PTPRN2: variants seen among roughly 807,000 people sequenced by gnomAD.
PTPRN2 encodes the protein receptor-type tyrosine-protein phosphatase N2.
Under a neutral mutation model 118.8 loss-of-function variants are expected in PTPRN2, and 74 were observed. The observed-to-expected ratio is 0.62, with a 90% CI of 0.52 to 0.76. The LOEUF is 0.76. PTPRN2 is among the 30% of genes least tolerant of loss of function. The pLI, the probability that PTPRN2 is intolerant of heterozygous loss-of-function variation, is 0.00. For synonymous variants in PTPRN2, 641 were observed against 608.0 expected (o/e 1.05, Z -0.80); for missense variants, 1,481 against 1,394.4 (o/e 1.06, Z -0.99).
intron 9 of PTPRN2, among the ~76,000 whole-genome samples, chr7:158,132,678 TACAC>T (rs528046341): frequency 1.5e-4 from 23 of 150,438 alleles, no homozygotes; most frequent in African/African-American, 2.2e-4. Flanking sequence ...TACACACAGA[TACAC>T]ACACATCTAC....
intron 21 of PTPRN2, among the ~76,000 whole-genome samples, chr7:157,551,976 AGCCACCACACAACCCACG>A (rs1798654087): frequency 6.8e-6 from 1 of 147,970 alleles, no homozygotes; most frequent in Non-Finnish European, 1.5e-5. Context: ...CGCACCCCAC[AGCCACCACACAACCCACG>A]GCCACCACAC....
intron 11 of PTPRN2, among the ~76,000 whole-genome samples, chr7:157,989,239 GAA>G (rs972962657): frequency 6.6e-6 from 1 of 151,958 alleles, no homozygotes; most frequent in African/African-American, 2.4e-5. Context: ...GCAACATGGT[GAA>G]ACTCTGTCTC....
At chr7:158,102,321 G>A (rs914200407) in intron 10 of PTPRN2, among the ~76,000 whole-genome samples, 1 of 152,132 alleles carries the variant, frequency 6.6e-6, no homozygotes, top group African/African-American at 2.4e-5. Context: ...GAGCTGGCCC[G>A]AGGATGCTTT....
Position 157,808,553 on chromosome 7 carries a change from C to T in PTPRN2, c.1788+90120G>A, listed in dbSNP as rs2151111014. Among the ~76,000 whole-genome samples, 1 of 152,270 alleles carries T rather than the reference C, an allele frequency of 6.6e-6. No individual in the cohort carries two copies. Among genetic ancestry groups the T allele is most frequent in the South Asian group, 2.1e-4 (1 of 4,828 alleles). ...GATGATCTGTCACTGTCTCCCATCA[C>T]CCCCAGATGGGACCAGCCAGTTGCA... On this transcript the variant is annotated intron_variant, in intron 12 of 22. Transcript: ENST00000389418. The surrounding 1 kb of genome is among the most constrained non-coding windows in gnomAD (Gnocchi z 5.0).
At chr7:158,549,977 G>A (rs1826538233) in intron 1 of PTPRN2, among the ~76,000 whole-genome samples, 1 of 152,232 alleles carries the variant, frequency 6.6e-6, no homozygotes, top group Non-Finnish European at 1.5e-5. Context: ...CTCGTCCTGG[G>A]GTCTGTGCCG....
intron 17 of PTPRN2, among the ~76,000 whole-genome samples, chr7:157,588,492 C>T (rs1003904046): frequency 6.6e-6 from 1 of 152,218 alleles, no homozygotes; most frequent in African/African-American, 2.4e-5. Flanking sequence ...GGCTTCTCTG[C>T]GACAGCTGCC....
At chr7:157,955,592 C>A (rs1009066830) in intron 11 of PTPRN2, among the ~76,000 whole-genome samples, 4 of 152,330 alleles carry the variant, frequency 2.6e-5, no homozygotes, top group Admixed American at 6.5e-5. Flanking sequence ...GGAGGGTTAT[C>A]CAAGCATTTG....
At chr7:158,375,179 A>G (rs1439729744) in intron 2 of PTPRN2, among the ~76,000 whole-genome samples, 1 of 152,228 alleles carries the variant, frequency 6.6e-6, no homozygotes, top group Non-Finnish European at 1.5e-5. Context: ...AAAGGTGCCT[A>G]AACCTGGCAG....
chr7:158,086,990 G>A (rs1403165803), intron 10 of PTPRN2, among the ~76,000 whole-genome samples: 2 of 152,174 alleles, frequency 1.3e-5, no homozygotes, highest in Non-Finnish European at 2.9e-5. Flanking sequence ...CCACTTCCTC[G>A]CGGGGCGATT....
At position 157,915,830 on chromosome 7, in the gene PTPRN2, A is replaced by G. The variant is rs1031863050; in HGVS notation, c.1724-17093T>C. Among the ~76,000 whole-genome samples, 5 of 152,028 alleles carry G rather than the reference A, an allele frequency of 3.3e-5. No homozygotes were observed. In the East Asian group the frequency reaches 7.7e-4, roughly 23 times the overall value. ...TGTCTGATGTGTTAAAATTATCTCTATGTCCTCATATTCTCGTAGTTTTGT... is the reference window on the plus strand; with the variant it reads ...TGTCTGATGTGTTAAAATTATCTCTGTGTCCTCATATTCTCGTAGTTTTGT... On this transcript the variant is annotated intron_variant, in intron 11 of 22. Transcript: ENST00000389418.
At position 157,881,196 on chromosome 7, in the gene PTPRN2, G is replaced by T. The variant is rs550949723; in HGVS notation, c.1788+17477C>A. On this transcript the variant is annotated intron_variant, in intron 12 of 22. Transcript: ENST00000389418. This position sits in a 1 kb window ranked among gnomAD's most constrained non-coding sequence, Gnocchi z 4.7. ...ATTACGGTAAAATGAGGTCATGAGG[G>T]TATGTGGAGATGGGGGTGTTTACAG... Among the ~76,000 whole-genome samples the T allele has an allele frequency of 2.1e-5, 3 of 144,510 alleles. No homozygotes were observed. Among genetic ancestry groups the T allele is most frequent in the African/African-American group, 2.7e-5 (1 of 36,366 alleles). The allele number at this position is 144,510 out of a possible 152,430, so 94.8% of individuals were successfully genotyped here.
chr7:158,204,569 G>A (rs1236090069), intron 4 of PTPRN2, among the ~76,000 whole-genome samples: 2 of 151,994 alleles, frequency 1.3e-5, no homozygotes, highest in Non-Finnish European at 2.9e-5. Context: ...TAGCACAATG[G>A]CTCAGGAATC....
chr7:157,751,002 G>A (rs1563071452), intron 12 of PTPRN2, among the ~76,000 whole-genome samples: 1 of 152,206 alleles, frequency 6.6e-6, no homozygotes, highest in Non-Finnish European at 1.5e-5. Context: ...AGGGCTACTC[G>A]ACCGTGGGCT....
chr7:158,218,283 AT>A lies in PTPRN2; in HGVS notation c.278-13011del, dbSNP rs538634006. 1.2e-3 allele frequency among the ~76,000 whole-genome samples: 180 copies of A among 152,304 alleles called. 1 individual carries two copies. Among genetic ancestry groups the A allele is most frequent in the African/African-American group, 4.3e-3 (179 of 41,572 alleles). ...CAAGCCAGAAGAGACTGGGGGCCCT[AT>A]TTTCAGCATCCTTAAAGAAAAAAAA... On this transcript the variant is annotated intron_variant, in intron 3 of 22. Transcript: ENST00000389418.
intron 12 of PTPRN2, among the ~76,000 whole-genome samples, chr7:157,844,183 C>G (rs975895920): frequency 6.6e-6 from 1 of 152,204 alleles, no homozygotes; most frequent in Admixed American, 6.5e-5. Context: ...AGTGTGCAAG[C>G]CCCACACACA....
At chr7:157,614,344 C>T (rs528372759) in intron 15 of PTPRN2, among the ~76,000 whole-genome samples, 2 of 152,174 alleles carry the variant, frequency 1.3e-5, no homozygotes, top group African/African-American at 2.4e-5. Flanking sequence ...TGCAGAGTTC[C>T]CTACAGACTT....
intron 3 of PTPRN2, among the ~76,000 whole-genome samples, chr7:158,226,575 G>A (rs1210440110): frequency 6.6e-6 from 1 of 152,100 alleles, no homozygotes; most frequent in African/African-American, 2.4e-5. Context: ...TGGTGGTCCC[G>A]GCTTGCATGC....
Position 157,591,606 on chromosome 7 carries a change from C to T in PTPRN2, c.2496+3632G>A, listed in dbSNP as rs755327986. Reference sequence around the variant, plus strand: ...GTGTTCTTCCTCTGCCTGCGTTCTGCTAAGCCAGAGAGGGCAAAGAGAACC... The same window carrying T: ...GTGTTCTTCCTCTGCCTGCGTTCTGTTAAGCCAGAGAGGGCAAAGAGAACC... On this transcript the variant is annotated intron_variant, in intron 17 of 22. Transcript: ENST00000389418. This position sits in a 1 kb window ranked among gnomAD's most constrained non-coding sequence, Gnocchi z 4.4. 5.3e-5 allele frequency among the ~76,000 whole-genome samples: 8 copies of T among 152,262 alleles called. No individual in the cohort carries two copies. Among genetic ancestry groups the T allele is most frequent in the Non-Finnish European group, 1.0e-4 (7 of 68,052 alleles).
At position 158,440,818 on chromosome 7, in the gene PTPRN2, GTA is replaced by G. The variant is rs1351601338; in HGVS notation, c.163+48915_163+48916del. 7.9e-3 allele frequency among the ~76,000 whole-genome samples: 457 copies of G among 58,004 alleles called. 9 individuals carry two copies. Among genetic ancestry groups the G allele is most frequent in the Middle Eastern group, 8.2e-3 (1 of 122 alleles). 38.1% of individuals were successfully genotyped at this position (58,004 alleles called of 152,430 possible). A position where few individuals can be genotyped will look rare whatever the true frequency, so the allele number is the denominator to read the frequency against. The stretch of plus-strand genomic sequence containing the variant: ...GGTGGTAGTGGTGATGGTGGTAGTA[GTA>G]GTGGTGGTGGTGGTGATGGCAGTGA... On this transcript the variant is annotated intron_variant, in intron 2 of 22. Transcript: ENST00000389418.
Sources: gnomAD v4.1 joint callset for allele counts (sites outside exome capture counted in the v4.1 genomes callset) on GRCh38, gnomAD v4.1.1 for gene constraint, Gnocchi (gnomAD v3.1) non-coding constraint, MANE v1.5 for transcripts, NCBI Gene and HGNC (gene_info 2026-07-23, HGNC 2026-07-21) for gene names.